ZNF395: variants seen among roughly 807,000 people sequenced by gnomAD.
ZNF395 encodes HD gene regulatory region-binding protein 2.
Under a neutral mutation model 57.7 loss-of-function variants are expected in ZNF395, and 20 were observed. The ratio of observed to expected loss-of-function variants is 0.35; its 90% CI spans 0.24 to 0.50. ZNF395 has a LOEUF of 0.50. ZNF395 is among the 20% of genes least tolerant of loss of function. The pLI is 0.97. For missense variants in ZNF395, 606 were observed against 671.2 expected (o/e 0.90, Z 1.07); for synonymous variants, 295 against 275.9 (o/e 1.07, Z -0.69).
At chr8:28,350,772 C>T (rs1038687107) in intron 7 of ZNF395, among the ~76,000 whole-genome samples, 6 of 152,178 alleles carry the variant, frequency 3.9e-5, no homozygotes, top group African/African-American at 1.4e-4. Context: ...TGCAAATTGG[C>T]CCACAGACTG....
At chr8:28,364,784 A>G (rs1226043747) in intron 1 of ZNF395, among the ~76,000 whole-genome samples, 1 of 152,190 alleles carries the variant, frequency 6.6e-6, no homozygotes, top group African/African-American at 2.4e-5. Flanking sequence ...AAAAGAAAAA[A>G]TAGCTCCTGA....
chr8:28,378,748 G>T lies in ZNF395; in HGVS notation c.-59+7645C>A, dbSNP rs10093577. On this transcript the variant is annotated intron_variant, in intron 1 of 9. Coordinates refer to ENST00000344423, the MANE Select transcript of ZNF395 (RefSeq NM_018660.3). ...ATAACTGACCCTCTAAATTGGAAGA[G>T]ACTTTGGAGGTCGGCCTAATTCCTG... 6.8e-3 allele frequency among the ~76,000 whole-genome samples: 1,040 copies of T among 152,282 alleles called. 15 individuals are homozygous for T. Among genetic ancestry groups the T allele is most frequent in the African/African-American group, 0.024 (998 of 41,554 alleles).
At chr8:28,354,571 T>A (rs897125006) in intron 4 of ZNF395, among the ~76,000 whole-genome samples, 3 of 152,144 alleles carry the variant, frequency 2.0e-5, no homozygotes, top group African/African-American at 7.2e-5. Flanking sequence ...CTTTCCATGT[T>A]TCTAGTCCAG....
intron 1 of ZNF395, among the ~76,000 whole-genome samples, chr8:28,384,530 T>A (rs1386483874): frequency 6.6e-6 from 1 of 152,210 alleles, no homozygotes; most frequent in Non-Finnish European, 1.5e-5. Context: ...GACATCCTTC[T>A]GTCCCCTCTA....
At chr8:28,378,797 A>C (rs1421331739) in intron 1 of ZNF395, among the ~76,000 whole-genome samples, 1 of 152,178 alleles carries the variant, frequency 6.6e-6, no homozygotes, top group Non-Finnish European at 1.5e-5. Context: ...CCGCATCCCT[A>C]ATCAACAGCA....
chr8:28,353,705 C>T (rs769808617), intron 4 of ZNF395, among the ~76,000 whole-genome samples: 7 of 151,962 alleles, frequency 4.6e-5, no homozygotes, highest in Non-Finnish European at 8.8e-5. Flanking sequence ...TTGCCCAGGC[C>T]GGTCTCAAAC....
At chr8:28,379,839 C>T (rs1188306272) in intron 1 of ZNF395, among the ~76,000 whole-genome samples, 1 of 120,762 alleles carries the variant, frequency 8.3e-6, no homozygotes, top group Non-Finnish European at 1.5e-5. Context: ...ATAATACAAA[C>T]GTTAAAAAAA....
At chr8:28,350,665 A>G (rs1446585031) in intron 7 of ZNF395, among the ~76,000 whole-genome samples, 1 of 152,262 alleles carries the variant, frequency 6.6e-6, no homozygotes, top group Non-Finnish European at 1.5e-5. Context: ...TGGGCCAAAC[A>G]TGAAATCGCT....
intron 1 of ZNF395, among the ~76,000 whole-genome samples, chr8:28,369,978 T>G (rs995997843): frequency 4.6e-5 from 7 of 152,218 alleles, no homozygotes; most frequent in Non-Finnish European, 8.8e-5. Context: ...AAGCACTTAA[T>G]ACGCTCTGAA....
At chr8:28,366,977 G>C (rs747017469) in intron 1 of ZNF395, among the ~76,000 whole-genome samples, 13 of 151,982 alleles carry the variant, frequency 8.6e-5, no homozygotes, top group Non-Finnish European at 1.6e-4. Flanking sequence ...ACCAGGTCCT[G>C]TTACCCTATT....
chr8:28,351,806 C>A lies in ZNF395; in HGVS notation c.922G>T (p.Asp308Tyr). 6.5e-7 allele frequency: 1 copy of A among 1,542,318 alleles called. No individual in the cohort carries two copies. Among genetic ancestry groups the A allele is most frequent in the Non-Finnish European group, 8.7e-7 (1 of 1,146,006 alleles). ...TTGAACTGATCAGAGTCCACTGTGT[C>A]CCTGTGTGGGAGGGAGATGCGGTAT... ...KRHVKALHLG[D>Y]TVDSDQFKRE... Residue 308 changes from aspartate to tyrosine, a missense_variant and splice_region_variant, in exon 7 of 10, where the codon GAC becomes TAC. Transcript: ENST00000344423.
chr8:28,378,397 T>A (rs1345704036), intron 1 of ZNF395, among the ~76,000 whole-genome samples: 2 of 152,118 alleles, frequency 1.3e-5, no homozygotes, highest in East Asian at 1.9e-4. Context: ...TGTACCATCA[T>A]GCTTGGTTAA....
intron 1 of ZNF395, among the ~76,000 whole-genome samples, chr8:28,366,775 A>G (rs940091870): frequency 4.0e-5 from 6 of 151,056 alleles, no homozygotes; most frequent in African/African-American, 7.3e-5. Context: ...CTGGTTCTCA[A>G]GCCTTTTTTT....
chr8:28,350,366 A>T (rs983987119), intron 7 of ZNF395, among the ~76,000 whole-genome samples: 1 of 152,266 alleles, frequency 6.6e-6, no homozygotes, highest in South Asian at 2.1e-4. Flanking sequence ...CGAGGCTCCA[A>T]TCTCATCCTG....
In ZNF395 at chr8:28,352,507, G is replaced by A; in HGVS notation, c.920+66C>T. 7.0e-7 allele frequency: 1 copy of A among 1,429,672 alleles called. No homozygotes were observed. The highest frequency in any genetic ancestry group is 2.3e-5 in the East Asian group (1 of 43,980). The allele number at this position is 1,429,672 out of a possible 1,614,324, so 88.6% of individuals were successfully genotyped here. A position where few individuals can be genotyped will look rare whatever the true frequency, so the allele number is the denominator to read the frequency against. On this transcript the variant is annotated intron_variant, in intron 6 of 9. Coordinates refer to ENST00000344423, the MANE Select transcript of ZNF395 (RefSeq NM_018660.3). The surrounding 1 kb of genome is among the most constrained non-coding windows in gnomAD (Gnocchi z 4.0). ...AAGCACTGTGGGCTGTGGGTCACAG[G>A]GACTCGGCAGGGTGGAGGGACACCC...
In ZNF395 at chr8:28,356,824, C is replaced by T. The variant is rs769365409; in HGVS notation, c.474-45G>A. Reference sequence around the variant, plus strand: ...TGGGAAATGTTACTTCCTGGCATGGCGGGCCCATGGTCCTTGCAAAACGAG... The same window carrying T: ...TGGGAAATGTTACTTCCTGGCATGGTGGGCCCATGGTCCTTGCAAAACGAG... On this transcript the variant is annotated intron_variant, in intron 3 of 9. Coordinates refer to ENST00000344423, the MANE Select transcript of ZNF395 (RefSeq NM_018660.3). This position sits in a 1 kb window ranked among gnomAD's most constrained non-coding sequence, Gnocchi z 4.0. 6.0e-6 allele frequency: 9 copies of T among 1,507,932 alleles called. No individual in the cohort carries two copies. Among genetic ancestry groups the T allele is most frequent in the East Asian group, 4.7e-5 (2 of 42,188 alleles). 93.4% of individuals were successfully genotyped at this position (1,507,932 alleles called of 1,614,324 possible).
intron 7 of ZNF395, among the ~76,000 whole-genome samples, chr8:28,350,561 GAGT>G (rs1038949651): frequency 1.4e-4 from 22 of 152,244 alleles, no homozygotes; most frequent in Admixed American, 3.9e-4. Context: ...AACTGCTTGA[GAGT>G]AGTAGTGTGC....
At chr8:28,375,126 CCTGTAATCCCAGCACTT>C (rs1333689003) in intron 1 of ZNF395, 1 of 152,394 alleles carries the variant, frequency 6.6e-6, no homozygotes, top group African/African-American at 2.4e-5. Context: ...GTAGCTCATG[CCTGTAATCCCAGCACTT>C]TGGGAGGCCA....
rs1233395847 is a variant in ZNF395, at chr8:28,350,261, G to GT, written c.1234-106dup. ...ACAGCAGCAGAAGGTGCATCTCTGC[G>GT]TAAGTGCAATGACCAGAAAGAGCTG... On this transcript the variant is annotated intron_variant, in intron 7 of 9. Transcript: ENST00000344423. 23 of 947,808 alleles carry GT rather than the reference G, an allele frequency of 2.4e-5. No homozygotes were observed. The Admixed American group carries it at 3.8e-4, about 16-fold the overall frequency. 58.7% of individuals were successfully genotyped at this position (947,808 alleles called of 1,614,324 possible).
Sources: gnomAD v4.1 joint callset for allele counts (sites outside exome capture counted in the v4.1 genomes callset) on GRCh38, gnomAD v4.1.1 for gene constraint, Gnocchi (gnomAD v3.1) non-coding constraint, MANE v1.5 for transcripts, NCBI Gene and HGNC (gene_info 2026-07-23, HGNC 2026-07-21) for gene names.